Variants in PLCB1 observed in about 807,000 individuals in gnomAD.
The protein encoded by PLCB1 is phospholipase C beta 1, also known as 1-phosphatidylinositol 4,5-bisphosphate phosphodiesterase beta-1.
PLCB1 carries 46 observed loss-of-function variants against 161.8 expected under a neutral mutation model. That is an observed-to-expected ratio of 0.28 (90% CI 0.22 to 0.36). PLCB1 has a LOEUF of 0.36. Ranked by LOEUF, PLCB1 falls within the 10% of genes least tolerant of loss-of-function variation. PLCB1 has a pLI of 1.00. For missense variants in PLCB1, 1,016 were observed against 1,472.5 expected (o/e 0.69, Z 5.07); for synonymous variants, 517 against 503.7 (o/e 1.03, Z -0.35).
At chr20:8,408,956 A>G (rs1298366390) in intron 3 of PLCB1, among the ~76,000 whole-genome samples, 1 of 152,242 alleles carries the variant, frequency 6.6e-6, no homozygotes, top group African/African-American at 2.4e-5. Context: ...AATCCAAAAT[A>G]TAGTTGATTT....
At chr20:8,523,496 C>CTCTATATATATATA in intron 3 of PLCB1, among the ~76,000 whole-genome samples, 2 of 51,630 alleles carry the variant, frequency 3.9e-5, no homozygotes, top group Non-Finnish European at 7.5e-5. Context: ...CTCTCTCTCT[C>CTCTATATATATATA]TATATATATA....
chr20:8,534,527 T>G (rs917895005), intron 3 of PLCB1, among the ~76,000 whole-genome samples: 2 of 152,050 alleles, frequency 1.3e-5, no homozygotes, highest in Non-Finnish European at 2.9e-5. Flanking sequence ...CTTAAGGGCA[T>G]AGGCTGTTGG....
chr20:8,254,280 T>C (rs1981298998), intron 2 of PLCB1, among the ~76,000 whole-genome samples: 1 of 152,020 alleles, frequency 6.6e-6, no homozygotes, highest in East Asian at 1.9e-4. Context: ...GCAAACCTCT[T>C]TAAATTGTGT....
chr20:8,264,996 C>T (rs943616622), intron 2 of PLCB1, among the ~76,000 whole-genome samples: 1 of 152,104 alleles, frequency 6.6e-6, no homozygotes, highest in Non-Finnish European at 1.5e-5. Flanking sequence ...AGAGTCCTAT[C>T]CCTATTTCTA....
chr20:8,710,140 G>T (rs1433700578), intron 12 of PLCB1, among the ~76,000 whole-genome samples: 1 of 151,928 alleles, frequency 6.6e-6, no homozygotes, highest in Non-Finnish European at 1.5e-5. Flanking sequence ...TCCACAGGCT[G>T]TACAGGAAGC....
intron 2 of PLCB1, among the ~76,000 whole-genome samples, chr20:8,166,302 A>G (rs1258562919): frequency 1.3e-5 from 2 of 152,176 alleles, no homozygotes; most frequent in African/African-American, 4.8e-5. Context: ...CACATTTTAA[A>G]ACATGCTGGC....
chr20:8,662,516 A>G (rs1243004082), intron 9 of PLCB1, among the ~76,000 whole-genome samples: 8 of 142,652 alleles, frequency 5.6e-5, no homozygotes, highest in Admixed American at 1.5e-4. Flanking sequence ...TATAATATAT[A>G]ATTTTTTATA....
At chr20:8,422,326 T>G (rs530416308) in intron 3 of PLCB1, among the ~76,000 whole-genome samples, 1 of 152,338 alleles carries the variant, frequency 6.6e-6, no homozygotes, top group Admixed American at 6.5e-5. Flanking sequence ...ATATGATTAT[T>G]GGTTTTTTCT....
chr20:8,676,749 T>C (rs1433583194), intron 9 of PLCB1, among the ~76,000 whole-genome samples: 3 of 152,210 alleles, frequency 2.0e-5, no homozygotes, highest in Non-Finnish European at 2.9e-5. Flanking sequence ...CTTTTTAGTC[T>C]GCCAACTTGA....
intron 9 of PLCB1, among the ~76,000 whole-genome samples, chr20:8,684,473 C>T (rs953537780): frequency 1.3e-5 from 2 of 151,606 alleles, no homozygotes; most frequent in Non-Finnish European, 2.9e-5. Context: ...AGGCTGGTCT[C>T]GAGCTCCTGA....
intron 2 of PLCB1, among the ~76,000 whole-genome samples, chr20:8,348,164 A>C (rs1276293506): frequency 6.6e-6 from 1 of 152,214 alleles, no homozygotes; most frequent in African/African-American, 2.4e-5. Context: ...AAGTCTAGGA[A>C]GCAGGTCATA....
At chr20:8,330,948 T>C (rs957095009) in intron 2 of PLCB1, among the ~76,000 whole-genome samples, 8 of 152,354 alleles carry the variant, frequency 5.3e-5, no homozygotes, top group Non-Finnish European at 8.8e-5. Flanking sequence ...ACATTTAATA[T>C]GCACAAAGCG....
intron 3 of PLCB1, among the ~76,000 whole-genome samples, chr20:8,443,563 G>A (rs116524242): frequency 2.6e-5 from 4 of 152,112 alleles, no homozygotes; most frequent in Non-Finnish European, 5.9e-5. Context: ...GGATCTCCAG[G>A]GTTTTCTTTC....
chr20:8,859,029 C>G (rs1458662788), intron 31 of PLCB1, among the ~76,000 whole-genome samples: 1 of 151,904 alleles, frequency 6.6e-6, no homozygotes, highest in African/African-American at 2.4e-5. Flanking sequence ...GCCACCTGGG[C>G]AAGGAAACTG....
chr20:8,616,150 C>T (rs775174892), intron 3 of PLCB1, among the ~76,000 whole-genome samples: 21 of 152,212 alleles, frequency 1.4e-4, no homozygotes, highest in Non-Finnish European at 2.2e-4. Context: ...ACATTCCATC[C>T]TTCCCCCGTT....
intron 3 of PLCB1, among the ~76,000 whole-genome samples, chr20:8,445,511 G>T (rs1980781672): frequency 6.6e-6 from 1 of 151,800 alleles, no homozygotes; most frequent in Non-Finnish European, 1.5e-5. Context: ...TTTGACTTAG[G>T]ATTGACTTGG....
At chr20:8,325,777 G>A (rs1304650048) in intron 2 of PLCB1, among the ~76,000 whole-genome samples, 2 of 152,128 alleles carry the variant, frequency 1.3e-5, no homozygotes, top group South Asian at 4.1e-4. Context: ...AGTTAAGCGG[G>A]AATGGGGGTG....
At chr20:8,803,129 G>A (rs1371955109) in intron 31 of PLCB1, among the ~76,000 whole-genome samples, 1 of 151,960 alleles carries the variant, frequency 6.6e-6, no homozygotes, top group Admixed American at 6.6e-5. Context: ...CCTCTTCCTC[G>A]ACATCAGTTG....
In PLCB1 at chr20:8,693,212, A is replaced by G. The variant is rs1990517826; in HGVS notation, c.1010-4414A>G. On this transcript the variant is annotated intron_variant, in intron 10 of 31. Coordinates refer to ENST00000338037, the MANE Select transcript of PLCB1 (RefSeq NM_015192.4). ...CCTCCCACAGAAAATGTTTTGGGGA[A>G]TATGTACAAACACATAATGGTGAAG... 2.0e-5 allele frequency among the ~76,000 whole-genome samples: 3 copies of G among 152,194 alleles called. No homozygotes were observed. In the South Asian group the frequency reaches 6.2e-4, roughly 31 times the overall value.
Sources: gnomAD v4.1 joint callset for allele counts (sites outside exome capture counted in the v4.1 genomes callset) on GRCh38, gnomAD v4.1.1 for gene constraint, MANE v1.5 for transcripts, NCBI Gene and HGNC (gene_info 2026-07-23, HGNC 2026-07-21) for gene names.